EPHA6: variants seen among roughly 807,000 people sequenced by gnomAD.
The protein encoded by EPHA6 is ephrin type-A receptor 6.
Under a neutral mutation model 112.0 loss-of-function variants are expected in EPHA6, and 50 were observed. The observed-to-expected ratio is 0.45, with a 90% CI of 0.36 to 0.56. EPHA6 has a LOEUF of 0.56. Among genes scored for constraint, EPHA6 ranks in the 20% least tolerant of loss-of-function variants. The pLI is 0.00. For missense variants in EPHA6, 1,280 were observed against 1,417.4 expected, an observed-to-expected ratio of 0.90 and a Z score of 1.56; for synonymous variants, 529 against 490.7, an observed-to-expected ratio of 1.08 and a Z score of -1.03.
intron 14 of EPHA6, among the ~76,000 whole-genome samples, chr3:97,645,948 A>C (rs2094057447): frequency 6.6e-6 from 1 of 152,184 alleles, no homozygotes; most frequent in African/African-American, 2.4e-5. Flanking sequence ...CTTAAAAATA[A>C]GAAGACATGA....
chr3:97,626,357 G>A (rs1305223069), intron 13 of EPHA6, among the ~76,000 whole-genome samples: 1 of 151,796 alleles, frequency 6.6e-6, no homozygotes, highest in Non-Finnish European at 1.5e-5. Context: ...ACATAAATGT[G>A]TTATGGCAGT....
chr3:97,609,450 A>G (rs997989807), intron 12 of EPHA6, among the ~76,000 whole-genome samples: 1 of 151,382 alleles, frequency 6.6e-6, no homozygotes, highest in Non-Finnish European at 1.5e-5. Flanking sequence ...GTTGACCTCA[A>G]TAATTGACGA....
intron 14 of EPHA6, among the ~76,000 whole-genome samples, chr3:97,643,714 G>A (rs527945509): frequency 2.6e-5 from 4 of 152,184 alleles, no homozygotes; most frequent in Non-Finnish European, 5.9e-5. Flanking sequence ...ATGGTAAAGG[G>A]ATCAATTCAA....
At chr3:97,086,521 A>G (rs1047221003) in intron 3 of EPHA6, among the ~76,000 whole-genome samples, 5 of 152,050 alleles carry the variant, frequency 3.3e-5, no homozygotes, top group Non-Finnish European at 7.4e-5. Flanking sequence ...TTATTTTCCT[A>G]CTTTGCAGTA....
At chr3:97,593,460 G>A (rs374346106) in intron 12 of EPHA6, among the ~76,000 whole-genome samples, 9 of 152,048 alleles carry the variant, frequency 5.9e-5, no homozygotes, top group African/African-American at 2.2e-4. Context: ...CATTTTATAT[G>A]TGTCTTAGCA....
chr3:97,192,388 CT>C (rs1306849327), intron 3 of EPHA6, among the ~76,000 whole-genome samples: 6 of 152,144 alleles, frequency 3.9e-5, no homozygotes, highest in Admixed American at 2.6e-4. Context: ...TTGCCTCGGC[CT>C]GCAAAGTGCT....
At chr3:97,694,661 C>T (rs1162432775) in intron 14 of EPHA6, among the ~76,000 whole-genome samples, 1 of 152,240 alleles carries the variant, frequency 6.6e-6, no homozygotes, top group African/African-American at 2.4e-5. Context: ...ACTTCTGCCT[C>T]AAGCAAGACC....
intron 3 of EPHA6, among the ~76,000 whole-genome samples, chr3:97,143,564 A>T (rs955495162): frequency 6.6e-6 from 1 of 151,750 alleles, no homozygotes; most frequent in Non-Finnish European, 1.5e-5. Flanking sequence ...TCATCTGGAG[A>T]GGGTGTTATG....
At chr3:97,092,021 GGTGTACTGGAATATC>G (rs2047082020) in intron 3 of EPHA6, among the ~76,000 whole-genome samples, 1 of 150,312 alleles carries the variant, frequency 6.7e-6, no homozygotes, top group Admixed American at 6.7e-5. Context: ...TAGGGAACTT[GGTGTACTGGAATATC>G]CTCAATTAAA....
At chr3:96,909,142 C>A (rs1481135667) in intron 2 of EPHA6, among the ~76,000 whole-genome samples, 1 of 151,762 alleles carries the variant, frequency 6.6e-6, no homozygotes, top group African/African-American at 2.4e-5. Flanking sequence ...TATTAAAAAT[C>A]ATATAGTTTG....
rs114013084 is a variant in EPHA6 at position 96,909,427 on chromosome 3, T to G, written c.450+42538T>G. ...GAAATCTTCAAATACTAGTTTGATT[T>G]TTTTTAATTTTCTAGTAATTCCTTA... On this transcript the variant is annotated intron_variant, in intron 2 of 17. Transcript: ENST00000389672. Among the ~76,000 whole-genome samples the G allele has an allele frequency of 9.4e-3, 1,434 of 152,088 alleles. 22 individuals carry two copies. Among genetic ancestry groups the G allele is most frequent in the African/African-American group, 0.033 (1,388 of 41,550 alleles).
chr3:97,066,511 C>T (rs978185243), intron 3 of EPHA6, among the ~76,000 whole-genome samples: 2 of 152,138 alleles, frequency 1.3e-5, no homozygotes, highest in African/African-American at 4.8e-5. Flanking sequence ...AGAAAGGTTT[C>T]ATAAAATATT....
chr3:97,323,747 T>C (rs995161550), intron 5 of EPHA6, among the ~76,000 whole-genome samples: 1 of 151,516 alleles, frequency 6.6e-6, no homozygotes, highest in Non-Finnish European at 1.5e-5. Context: ...GGAAAGAAAA[T>C]AAAATCTTCC....
At chr3:96,896,411 G>GT (rs1490137726) in intron 2 of EPHA6, among the ~76,000 whole-genome samples, 5 of 152,202 alleles carry the variant, frequency 3.3e-5, no homozygotes, top group Non-Finnish European at 5.9e-5. Flanking sequence ...TTGTTTACTT[G>GT]TTTTTTAACT....
chr3:97,679,300 C>G (rs1013565265), intron 14 of EPHA6, among the ~76,000 whole-genome samples: 1 of 152,048 alleles, frequency 6.6e-6, no homozygotes, highest in Non-Finnish European at 1.5e-5. Context: ...ACTTGGAACC[C>G]AGAGGGCGTC....
At chr3:96,843,603 G>A (rs9873810) in intron 1 of EPHA6, among the ~76,000 whole-genome samples, 2,758 of 152,058 alleles carry the variant, frequency 0.018, 74 homozygotes, top group African/African-American at 0.05. Flanking sequence ...TGCAGAATTC[G>A]TTTTCCTAGC....
intron 6 of EPHA6, among the ~76,000 whole-genome samples, chr3:97,429,873 A>G (rs761805863): frequency 1.3e-4 from 20 of 152,214 alleles, no homozygotes; most frequent in East Asian, 3.9e-4. Flanking sequence ...GTTTCTTCCT[A>G]TTTGATAAGG....
At chr3:96,840,180 C>T (rs2107318960) in intron 1 of EPHA6, among the ~76,000 whole-genome samples, 1 of 152,044 alleles carries the variant, frequency 6.6e-6, no homozygotes, top group South Asian at 2.1e-4. Context: ...GCAGTTGTAC[C>T]ATGTACCTGA....
At chr3:97,478,944 G>A (rs1263091078) in intron 8 of EPHA6, among the ~76,000 whole-genome samples, 1 of 152,082 alleles carries the variant, frequency 6.6e-6, no homozygotes, top group Admixed American at 6.5e-5. Context: ...GAAGACAGTT[G>A]TATACATTTC....
Sources: gnomAD v4.1 joint callset for allele counts (sites outside exome capture counted in the v4.1 genomes callset) on GRCh38, gnomAD v4.1.1 for gene constraint, MANE v1.5 for transcripts, NCBI Gene and HGNC (gene_info 2026-07-23, HGNC 2026-07-21) for gene names.